GRIK4: variants seen among roughly 807,000 people sequenced by gnomAD.
GRIK4 encodes the protein glutamate receptor ionotropic, kainate 4.
In GRIK4, 40 loss-of-function variants were observed where a neutral mutation model predicts 104.9. The ratio of observed to expected loss-of-function variants is 0.38; its 90% CI spans 0.30 to 0.50. The LOEUF (loss-of-function observed/expected upper bound fraction) is 0.50, where lower values mean the gene tolerates loss of function less well. GRIK4 is among the 20% of genes least tolerant of loss of function. GRIK4 has a pLI of 0.93. For missense variants in GRIK4, 1,047 were observed against 1,308.1 expected (o/e 0.80, Z 3.08); for synonymous variants, 485 against 524.9 (o/e 0.92, Z 1.04).
chr11:120,653,127 G>A (rs1949644578), intron 1 of GRIK4, among the ~76,000 whole-genome samples: 1 of 152,224 alleles, frequency 6.6e-6, no homozygotes, highest in Admixed American at 6.5e-5. Context: ...CAGTATTTAT[G>A]TGTAGCTGCT....
intron 1 of GRIK4, among the ~76,000 whole-genome samples, chr11:120,516,009 C>T (rs1024224480): frequency 8.5e-5 from 13 of 152,056 alleles, no homozygotes; most frequent in African/African-American, 2.4e-4. Context: ...CTGGTGAGTG[C>T]GGTAGGACCC....
At position 120,888,332 on chromosome 11, in the gene GRIK4, A is replaced by T. The variant is rs569431329; in HGVS notation, c.1165-10200A>T. ...TGCATTAACTATGGAGCTTTGGGCAAGAAACCCAACCTCTCAGAGCCTCAG... is the reference window on the plus strand; with the variant it reads ...TGCATTAACTATGGAGCTTTGGGCATGAAACCCAACCTCTCAGAGCCTCAG... On this transcript the variant is annotated intron_variant, in intron 11 of 20. Coordinates refer to ENST00000527524, the MANE Select transcript of GRIK4 (RefSeq NM_014619.5). Among the ~76,000 whole-genome samples, 3 of 152,256 alleles carry T rather than the reference A, an allele frequency of 2.0e-5. No individual in the cohort carries two copies. The East Asian group carries it at 5.8e-4, about 29-fold the overall frequency.
chr11:120,986,263 C>CCGGAGGCCACAGGACGCG lies in GRIK4; in HGVS notation c.*5_*22dup. The CCGGAGGCCACAGGACGCG allele has an allele frequency of 6.5e-7, 1 of 1,546,512 alleles. No individual in the cohort carries two copies. ...CCAACAGCAGCGAGCCCGAGTAGTC[C>CCGGAGGCCACAGGACGCG]CGGAGGCCACAGGACGCGCAGAGGC... On this transcript the variant is annotated 3_prime_UTR_variant, in exon 21 of 21. Coordinates refer to ENST00000527524, the MANE Select transcript of GRIK4 (RefSeq NM_014619.5).
intron 1 of GRIK4, among the ~76,000 whole-genome samples, chr11:120,548,208 C>G (rs1317687749): frequency 6.6e-6 from 1 of 152,074 alleles, no homozygotes; most frequent in African/African-American, 2.4e-5. Flanking sequence ...TGAAAATAGA[C>G]ACCATGCATG....
At chr11:120,876,111 C>T (rs1954781805) in intron 11 of GRIK4, among the ~76,000 whole-genome samples, 1 of 150,410 alleles carries the variant, frequency 6.6e-6, no homozygotes, top group African/African-American at 2.5e-5. Flanking sequence ...TATGAAGAAT[C>T]ATCATCATCA....
intron 3 of GRIK4, among the ~76,000 whole-genome samples, chr11:120,679,381 C>A (rs998043196): frequency 6.6e-6 from 1 of 152,188 alleles, no homozygotes; most frequent in Non-Finnish European, 1.5e-5. Context: ...CTAGTGCCCC[C>A]GGAGCCCAGG....
chr11:120,601,597 G>T (rs1948887489), intron 1 of GRIK4, among the ~76,000 whole-genome samples: 1 of 149,472 alleles, frequency 6.7e-6, no homozygotes, highest in African/African-American at 2.5e-5. Context: ...CAAGCAGCTT[G>T]TCTCATAATT....
At chr11:120,663,921 A>T (rs1372676323) in intron 3 of GRIK4, among the ~76,000 whole-genome samples, 1 of 152,066 alleles carries the variant, frequency 6.6e-6, no homozygotes, top group Non-Finnish European at 1.5e-5. Flanking sequence ...TTTTCCTACC[A>T]TTCCCCCATT....
chr11:120,578,522 A>C (rs1283124618), intron 1 of GRIK4, among the ~76,000 whole-genome samples: 3 of 152,188 alleles, frequency 2.0e-5, no homozygotes, highest in African/African-American at 7.2e-5. Flanking sequence ...AACACAGCTG[A>C]AGCTTCTAGA....
chr11:120,523,478 C>A (rs1036114959), intron 1 of GRIK4, among the ~76,000 whole-genome samples: 1 of 152,066 alleles, frequency 6.6e-6, no homozygotes, highest in African/African-American at 2.4e-5. Flanking sequence ...GAGGAGCCGA[C>A]TTTTGTCCTG....
intron 3 of GRIK4, among the ~76,000 whole-genome samples, chr11:120,734,015 C>T (rs1301458649): frequency 2.0e-5 from 3 of 152,156 alleles, no homozygotes; most frequent in Admixed American, 1.3e-4. Flanking sequence ...GGATTACAGG[C>T]GTGAGCCACT....
intron 3 of GRIK4, among the ~76,000 whole-genome samples, chr11:120,757,741 C>T (rs540706260): frequency 6.6e-6 from 1 of 152,306 alleles, no homozygotes; most frequent in Non-Finnish European, 1.5e-5. Context: ...GTTACTAAGT[C>T]TCAGTTATCT....
At chr11:120,545,601 A>G (rs544829531) in intron 1 of GRIK4, among the ~76,000 whole-genome samples, 2 of 152,236 alleles carry the variant, frequency 1.3e-5, no homozygotes, top group Non-Finnish European at 2.9e-5. Context: ...TCACACAGCG[A>G]AGAAGTGATG....
intron 1 of GRIK4, among the ~76,000 whole-genome samples, chr11:120,537,156 G>A (rs1319922542): frequency 1.3e-5 from 2 of 152,196 alleles, no homozygotes; most frequent in Non-Finnish European, 2.9e-5. Context: ...CAAAGACTCC[G>A]AGGGCCACAG....
chr11:120,746,795 T>C (rs1945010), intron 3 of GRIK4, among the ~76,000 whole-genome samples: 101,538 of 151,986 alleles, frequency 0.67, 34,531 homozygotes, highest in African/African-American at 0.77. Context: ...TTCCCATCTT[T>C]TCTAAGCACG....
chr11:120,648,889 AG>A (rs1226857107), intron 1 of GRIK4, among the ~76,000 whole-genome samples: 1 of 152,248 alleles, frequency 6.6e-6, no homozygotes, highest in African/African-American at 2.4e-5. Flanking sequence ...AGAACACTTG[AG>A]AATGAAAAGC....
intron 3 of GRIK4, among the ~76,000 whole-genome samples, chr11:120,672,838 G>A (rs774109557): frequency 6.6e-6 from 1 of 152,190 alleles, no homozygotes; most frequent in Admixed American, 6.5e-5. Context: ...GAGATGACAG[G>A]CTTTTCTAAA....
chr11:120,849,047 A>G (rs1348297829), intron 8 of GRIK4, among the ~76,000 whole-genome samples: 1 of 152,196 alleles, frequency 6.6e-6, no homozygotes, highest in African/African-American at 2.4e-5. Flanking sequence ...TGTTTGACAA[A>G]TAGCATGACA....
intron 9 of GRIK4, among the ~76,000 whole-genome samples, chr11:120,863,527 T>C (rs1954315356): frequency 6.6e-6 from 1 of 152,224 alleles, no homozygotes; most frequent in Non-Finnish European, 1.5e-5. Context: ...AGGTATTTGT[T>C]GAATGAATGA....
Sources: gnomAD v4.1 joint callset for allele counts (sites outside exome capture counted in the v4.1 genomes callset) on GRCh38, gnomAD v4.1.1 for gene constraint, MANE v1.5 for transcripts, NCBI Gene and HGNC (gene_info 2026-07-23, HGNC 2026-07-21) for gene names.